Variants in DUOX1 observed in about 807,000 individuals in gnomAD.
DUOX1 encodes the protein NADPH thyroid oxidase 1.
In DUOX1, 134 loss-of-function variants were observed where a neutral mutation model predicts 181.8. That is an observed-to-expected ratio of 0.74 (90% CI 0.64 to 0.85). DUOX1 has a LOEUF of 0.85. Among genes scored for constraint, DUOX1 ranks in the 40% least tolerant of loss-of-function variants. DUOX1 has a pLI of 0.00. For missense variants in DUOX1, 1,814 were observed against 2,064.4 expected, an observed-to-expected ratio of 0.88 and a Z score of 2.35; for synonymous variants, 798 against 832.5, an observed-to-expected ratio of 0.96 and a Z score of 0.71.
chr15:45,163,337 C>G (rs913851567), intron 31 of DUOX1, among the ~76,000 whole-genome samples, 195 bp from the exon 32 acceptor site: 1 of 152,214 alleles, frequency 6.6e-6, no homozygotes. Context: ...CTCACTTCCA[C>G]CTCTCTATGC....
chr15:45,138,626 T>C lies in DUOX1; in HGVS notation c.1114-440T>C, dbSNP rs149179925. On this transcript the variant is annotated intron_variant, in intron 10 of 33. Coordinates refer to ENST00000389037, the MANE Select transcript of DUOX1 (RefSeq NM_175940.3). Reference sequence around the variant, plus strand: ...GTGGGGAGGAAGAAAAAAGAAGCCATAGAATCAGAGCCCTGGAGCTGAGTT... The same window carrying C: ...GTGGGGAGGAAGAAAAAAGAAGCCACAGAATCAGAGCCCTGGAGCTGAGTT... The C allele has an allele frequency of 9.1e-5, 15 of 165,720 alleles. No homozygotes were observed. In the East Asian group the frequency reaches 2.7e-3, roughly 29 times the overall value. The allele number at this position is 165,720 out of a possible 1,614,324, so 10.3% of individuals were successfully genotyped here. A position where few individuals can be genotyped will look rare whatever the true frequency, so the allele number is the denominator to read the frequency against.
chr15:45,161,284 T>C (rs1648316), intron 29 of DUOX1, among the ~76,000 whole-genome samples: 90,882 of 150,818 alleles, frequency 0.6, 28,089 homozygotes, highest in South Asian at 0.72. Flanking sequence ...CTGGGTGTGG[T>C]GGCATGCACC....
Position 45,143,221 on chromosome 15 carries a change from G to A in DUOX1, c.1854G>A (p.Arg618=), listed in dbSNP as rs900136551. Reference sequence around the variant, plus strand: ...TGCTCAGTGCCTGGATTGTTGCCCGGCTCCGGATGAGAAATTTCAAGAGGC... The same window carrying A: ...TGCTCAGTGCCTGGATTGTTGCCCGACTCCGGATGAGAAATTTCAAGAGGC... The part of the protein sequence containing the change: ...VSLLSAWIVA[R]LRMRNFKRLQ... The change falls in exon 16 of 34, where the codon CGG becomes CGA. Residue 618 remains arginine, a synonymous_variant. Coordinates refer to ENST00000389037, the MANE Select transcript of DUOX1 (RefSeq NM_175940.3). 1 of 1,614,120 alleles carries A rather than the reference G, an allele frequency of 6.2e-7. No homozygotes were observed. The highest frequency in any genetic ancestry group is 1.7e-5 in the Admixed American group (1 of 60,030).
At chr15:45,156,062 T>C in intron 28 of DUOX1, 133 bp downstream of exon 28, 1 of 1,266,250 alleles carries the variant, frequency 7.9e-7, no homozygotes, top group Non-Finnish European at 1.1e-6. Flanking sequence ...CGTCCCTCTT[T>C]GAAGGTGGAG....
In DUOX1 at chr15:45,136,514, C is replaced by A. The variant is rs72724253; in HGVS notation, c.926-15C>A. ...GGGCTAAATTCTTCTGTCCTCTCTT[C>A]TCCTATTTCCCCAGGATACCGGCCA... On this transcript the variant is annotated splice_polypyrimidine_tract_variant and intron_variant, in intron 8 of 33. Coordinates refer to ENST00000389037, the MANE Select transcript of DUOX1 (RefSeq NM_175940.3). 6.2e-7 allele frequency: 1 copy of A among 1,613,940 alleles called. No individual in the cohort carries two copies. The highest frequency in any genetic ancestry group is 1.7e-5 in the Admixed American group (1 of 60,006).
At chr15:45,143,142 T>A in intron 15 of DUOX1, 48 bp from the exon 16 acceptor site, 2 of 1,460,804 alleles carry the variant, frequency 1.4e-6, no homozygotes, top group Non-Finnish European at 1.9e-6. Flanking sequence ...GCTGCTTCCA[T>A]CCCCTAGACC....
At chr15:45,148,928 T>C (rs552767368) in intron 21 of DUOX1, among the ~76,000 whole-genome samples, 5 of 152,128 alleles carry the variant, frequency 3.3e-5, no homozygotes, top group African/African-American at 1.2e-4. Context: ...CTTGGGGTTT[T>C]TTTTTGCCAC....
intron 28 of DUOX1, 81 bp from the exon 29 acceptor site, chr15:45,160,756 T>C: frequency 1.3e-5 from 18 of 1,414,780 alleles, no homozygotes; most frequent in South Asian, 4.8e-5. Flanking sequence ...CGGGGAAGTA[T>C]GGAGGGTCTA....
chr15:45,151,875 G>T lies in DUOX1; in HGVS notation c.3016G>T (p.Val1006Leu), dbSNP rs1355065931. ...QEIRRRFGKK[V>L]TSFQPLLFTE... ...AGGCTAAGGCTTCCTGTCTCCCAGGGTAACGTCATTCCAGCCCTTGCTGTT... is the reference window on the plus strand; with the variant it reads ...AGGCTAAGGCTTCCTGTCTCCCAGGTTAACGTCATTCCAGCCCTTGCTGTT... The change falls in exon 24 of 34, where the codon GTA (valine) becomes TTA (leucine). Residue 1006 changes from valine (V) to leucine (L), a missense_variant and splice_region_variant. Val to Leu is a conservative substitution (Grantham distance 32, BLOSUM62 1). Coordinates refer to ENST00000389037, the MANE Select transcript of DUOX1 (RefSeq NM_175940.3). The T allele has an allele frequency of 1.2e-6, 2 of 1,611,668 alleles. No individual in the cohort carries two copies. The highest frequency in any genetic ancestry group is 1.7e-6 in the Non-Finnish European group (2 of 1,178,722).
In DUOX1 at chr15:45,135,557, C is replaced by G. The variant is rs397834845; in HGVS notation, c.579C>G (p.Ser193=). ...GGAGCGACGCGCTGCGGAGCTTCTC[C>G]AGGGGACAGCTGGCGTCGGGGCCCG... is the stretch of plus-strand genomic sequence containing the variant. The part of the protein sequence containing the change: ...HSWSDALRSF[S]RGQLASGPDP... Residue 193 remains serine (S), a synonymous_variant, in exon 6 of 34, where the codon TCC becomes TCG. Coordinates refer to ENST00000389037, the MANE Select transcript of DUOX1 (RefSeq NM_175940.3). The G allele has an allele frequency of 9.6e-3, 14,892 of 1,556,238 alleles. 114 individuals are homozygous for G. The highest frequency in any genetic ancestry group is 0.012 in the Non-Finnish European group (13,454 of 1,150,042).
At chr15:45,149,381 G>A (rs747395851) in intron 21 of DUOX1, among the ~76,000 whole-genome samples, 1 of 152,194 alleles carries the variant, frequency 6.6e-6, no homozygotes, top group Non-Finnish European at 1.5e-5. Flanking sequence ...CTAAGGGCAG[G>A]GGCAACGAAG....
chr15:45,130,244 C>T (rs1159395142), intron 1 of DUOX1, 146 bp downstream of exon 1: 1 of 152,250 alleles, frequency 6.6e-6, no homozygotes, highest in Non-Finnish European at 1.5e-5. Context: ...CGATCTTATC[C>T]TAAGGCTAAA....
chr15:45,142,806 A>AAGGAAGGAAGGAG (rs1369769293), intron 15 of DUOX1, among the ~76,000 whole-genome samples: 1 of 150,112 alleles, frequency 6.7e-6, no homozygotes, highest in Non-Finnish European at 1.5e-5. Context: ...GAAGGGAGGG[A>AAGGAAGGAAGGAG]GGAAGAGCAG....
In DUOX1 at chr15:45,152,330, C is replaced by G; in HGVS notation, c.3238C>G (p.Arg1080Gly). The change falls in exon 25 of 34, where the codon CGC becomes GGC. Residue 1080 changes from arginine to glycine, a missense_variant. This residue lies in a region of DUOX1 where 1,064 missense variants were observed against 1,152.9 expected (regional missense o/e 0.92). Coordinates refer to ENST00000389037, the MANE Select transcript of DUOX1 (RefSeq NM_175940.3). ...TCACACGGGCATCACAGACACCACC[C>G]GCGTGGGAATCATCCTGTCGCGGGG... ...AHHTGITDTT[R>G]VGIILSRGTA... 6.2e-7 allele frequency: 1 copy of G among 1,614,198 alleles called. No individual in the cohort carries two copies. Among genetic ancestry groups the G allele is most frequent in the South Asian group, 1.1e-5 (1 of 91,086 alleles).
chr15:45,144,802 C>T, intron 17 of DUOX1, 93 bp from the exon 18 acceptor site: 1 of 1,366,828 alleles, frequency 7.3e-7, no homozygotes, highest in Non-Finnish European at 1.0e-6. Flanking sequence ...TTTTCAAGGC[C>T]ACCCCAGTGG....
intron 21 of DUOX1, 149 bp downstream of exon 21, chr15:45,148,596 A>G: frequency 2.8e-6 from 2 of 706,650 alleles, no homozygotes; most frequent in Non-Finnish European, 4.2e-6. Context: ...AATGTATCCA[A>G]TCTGGATTGT....
chr15:45,141,389 A>G lies in DUOX1; in HGVS notation c.1663A>G (p.Asn555Asp), dbSNP rs915143360. 6.2e-7 allele frequency: 1 copy of G among 1,614,158 alleles called. No homozygotes were observed. Among genetic ancestry groups the G allele is most frequent in the Non-Finnish European group, 8.5e-7 (1 of 1,180,028 alleles). ...INIDPSALQP[N>D]VFVWHKGDPC... ...CATTGACCCCAGTGCTCTGCAGCCC[A>G]ATGTCTTTGTCTGGCATAAAGGTGA... The change falls in exon 14 of 34, where the codon AAT becomes GAT. Residue 555 changes from asparagine to aspartate, a missense_variant. Physicochemically the swap from Asn to Asp is conservative, Grantham distance 23. Coordinates refer to ENST00000389037, the MANE Select transcript of DUOX1 (RefSeq NM_175940.3).
In DUOX1 at chr15:45,161,749, C is replaced by T. The variant is rs1897107974; in HGVS notation, c.3868C>T (p.Leu1290=). 23 of 1,613,518 alleles carry T rather than the reference C, an allele frequency of 1.4e-5. No homozygotes were observed. Among genetic ancestry groups the T allele is most frequent in the Non-Finnish European group, 1.9e-5 (23 of 1,180,028 alleles). ...AELLPSGVTH[L]RFQRPQGFEY... ...CCATCCCTCCCCAGGAGTGACCCAC[C>T]TGCGGTTCCAGCGGCCCCAGGGCTT... Residue 1290 remains leucine (L), a synonymous_variant, in exon 30 of 34, where the codon CTG becomes TTG. Coordinates refer to ENST00000389037, the MANE Select transcript of DUOX1 (RefSeq NM_175940.3).
chr15:45,135,891 C>CT lies in DUOX1; in HGVS notation c.808dup (p.Trp270LeufsTer25), dbSNP rs1356216930. On this transcript the variant is annotated frameshift_variant, in exon 7 of 34. Coordinates refer to ENST00000389037, the MANE Select transcript of DUOX1 (RefSeq NM_175940.3). LOFTEE classifies it high-confidence loss of function. ...AGAGGCTGGCCCGCCAGCACCCAGA[C>CT]TGGGAGGACGAGGAGCTGTTCCAGC... 6.9e-7 allele frequency: 1 copy of CT among 1,454,264 alleles called. No individual in the cohort carries two copies. Among genetic ancestry groups the CT allele is most frequent in the Non-Finnish European group, 9.3e-7 (1 of 1,079,676 alleles). The allele number at this position is 1,454,264 out of a possible 1,614,324, so 90.1% of individuals were successfully genotyped here.
Sources: allele counts gnomAD v4.1 joint callset (sites outside exome capture counted in the v4.1 genomes callset), GRCh38; gene constraint gnomAD v4.1.1; regional missense constraint gnomAD v4.1.1; transcripts MANE v1.5; gene names NCBI Gene and HGNC (gene_info 2026-07-23, HGNC 2026-07-21).